The following CTCF variants were observed in gnomAD, a reference collection of about 807,000 sequenced individuals.
CTCF encodes CCCTC-binding factor, also known as transcriptional repressor CTCF.
CTCF carries 7 observed loss-of-function variants against 72.3 expected under a neutral mutation model. The ratio of observed to expected loss-of-function variants is 0.10; its 90% CI spans 0.06 to 0.18. CTCF has a LOEUF of 0.18. Among genes scored for constraint, CTCF ranks in the 10% least tolerant of loss-of-function variants. CTCF has a pLI of 1.00. For missense variants in CTCF, 516 were observed against 949.1 expected (o/e 0.54, Z 6.00); for synonymous variants, 374 against 315.8 (o/e 1.18, Z -1.95).
chr16:67,629,606 G>T, intron 10 of CTCF, 73 bp downstream of exon 10: 1 of 1,487,062 alleles, frequency 6.7e-7, no homozygotes, highest in Non-Finnish European at 9.2e-7. Flanking sequence ...TTTATGTATG[G>T]ATATGCTGGG....
rs571580931 is a variant in CTCF at position 67,622,041 on chromosome 16, A to T, written c.1357+450A>T. Among the ~76,000 whole-genome samples the T allele has an allele frequency of 5.9e-5, 9 of 152,276 alleles. No homozygotes were observed. The East Asian group carries it at 1.2e-3, about 20-fold the overall frequency. On this transcript the variant is annotated intron_variant, in intron 7 of 11. Coordinates refer to ENST00000264010, the MANE Select transcript of CTCF (RefSeq NM_006565.4). ...TGTGCATAGTTAAACTAGAGTTTAC[A>T]TGCAGCCGGAGTTTATTAATAATAT...
intron 2 of CTCF, among the ~76,000 whole-genome samples, chr16:67,592,400 G>T (rs2051756907): frequency 6.6e-6 from 1 of 151,542 alleles, no homozygotes; most frequent in Non-Finnish European, 1.5e-5. Context: ...GGCAGAGCAA[G>T]AATCTGTCTA....
rs767996920 is a variant in CTCF at position 67,628,421 on chromosome 16, G to A, written c.1570G>A (p.Ala524Thr). Residue 524 changes from alanine to threonine, a missense_variant, in exon 9 of 12, where the codon GCC becomes ACC. Transcript: ENST00000264010. The stretch of plus-strand genomic sequence containing the variant: ...CACCCACACCGGGGAGAAGCCTTAC[G>A]CCTGCAGCCACTGCGATAAGACCTT... ...KRTHTGEKPY[A>T]CSHCDKTFRQ... is the part of the protein sequence containing the mutation. 8 of 1,614,162 alleles carry A rather than the reference G, an allele frequency of 5.0e-6. No homozygotes were observed. Among genetic ancestry groups the A allele is most frequent in the South Asian group, 1.1e-5 (1 of 91,080 alleles).
intron 2 of CTCF, among the ~76,000 whole-genome samples, chr16:67,607,233 A>ATT (rs2051986340): frequency 6.6e-6 from 1 of 152,160 alleles, no homozygotes; most frequent in African/African-American, 2.4e-5. Flanking sequence ...CTGGGATTAC[A>ATT]GGCCTGAGCC....
intron 1 of CTCF, chr16:67,563,214 C>G (rs997798942): frequency 6.6e-6 from 1 of 152,260 alleles, no homozygotes; most frequent in African/African-American, 2.4e-5. Flanking sequence ...AAGCCAGGTC[C>G]CGGTGCCGTA....
rs773340288 is a variant in CTCF at position 67,611,279 on chromosome 16, A to T, written c.447A>T (p.Glu149Asp). 1 of 1,614,138 alleles carries T rather than the reference A, an allele frequency of 6.2e-7. No homozygotes were observed. Among genetic ancestry groups the T allele is most frequent in the Admixed American group, 1.7e-5 (1 of 60,002 alleles). The change falls in exon 3 of 12, where the codon GAA becomes GAT. Residue 149 changes from glutamate to aspartate, a missense_variant. This residue lies in a region of CTCF where 148 missense variants were observed against 194.9 expected (regional missense o/e 0.76). Coordinates refer to ENST00000264010, the MANE Select transcript of CTCF (RefSeq NM_006565.4). ...AAGTGTCTAAAGAGGGCCTTGCGGA[A>T]AGTGAACCCATGATATGCCACACCC... ...ENEVSKEGLA[E>D]SEPMICHTLP... is the part of the protein sequence containing the mutation.
intron 10 of CTCF, 28 bp from the exon 11 acceptor site, chr16:67,636,662 C>T (rs987849434): frequency 4.5e-6 from 7 of 1,563,350 alleles, no homozygotes; most frequent in Admixed American, 1.8e-5. Context: ...CTTGCCCCAC[C>T]ACCTGTGCTT....
intron 2 of CTCF, among the ~76,000 whole-genome samples, chr16:67,593,078 TTATA>T (rs2051767349): frequency 6.7e-6 from 1 of 148,648 alleles, no homozygotes; most frequent in African/African-American, 2.4e-5. Context: ...TATTTTATAT[TTATA>T]TATTTGTATA....
chr16:67,609,340 C>T (rs2052024957), intron 2 of CTCF, among the ~76,000 whole-genome samples: 1 of 152,226 alleles, frequency 6.6e-6, no homozygotes, highest in East Asian at 1.9e-4. Context: ...TATAATAGAT[C>T]TCTTGAACTT....
intron 2 of CTCF, among the ~76,000 whole-genome samples, chr16:67,580,409 G>T (rs2051562843): frequency 6.6e-6 from 1 of 151,930 alleles, no homozygotes; most frequent in African/African-American, 2.4e-5. Flanking sequence ...TTACTGTGTT[G>T]CCCAGGCTGG....
At chr16:67,569,150 A>G (rs1006403818) in intron 1 of CTCF, among the ~76,000 whole-genome samples, 1 of 144,748 alleles carries the variant, frequency 6.9e-6, no homozygotes, top group African/African-American at 2.6e-5. Context: ...ATTTGGAAAC[A>G]CTTAGTTCAA....
intron 1 of CTCF, chr16:67,568,066 A>G (rs1446197686): frequency 6.6e-6 from 1 of 150,686 alleles, no homozygotes. Context: ...TGCCTGGCAT[A>G]TATATGTATA....
At chr16:67,592,584 A>C (rs1429790315) in intron 2 of CTCF, among the ~76,000 whole-genome samples, 1 of 152,016 alleles carries the variant, frequency 6.6e-6, no homozygotes, top group Non-Finnish European at 1.5e-5. Flanking sequence ...ATGCGCCTGT[A>C]GTCCCAGCCA....
At position 67,571,241 on chromosome 16, in the gene CTCF, A is replaced by C. The variant is rs2051414949; in HGVS notation, c.-33A>C. On this transcript the variant is annotated 5_prime_UTR_variant, in exon 2 of 12. Transcript: ENST00000264010. ...AGCTGGGTTCTATTTTCCCTCCTCA[A>C]ACTGACTTTGCAGCCACGGAGAGGT... 2 of 152,628 alleles carry C rather than the reference A, an allele frequency of 1.3e-5. No individual in the cohort carries two copies. Among genetic ancestry groups the C allele is most frequent in the African/African-American group, 4.8e-5 (2 of 41,450 alleles). The allele number at this position is 152,628 out of a possible 1,614,324, so 9.5% of individuals were successfully genotyped here. A position where few individuals can be genotyped will look rare whatever the true frequency, so the allele number is the denominator to read the frequency against.
At chr16:67,589,644 C>T (rs1169150220) in intron 2 of CTCF, among the ~76,000 whole-genome samples, 4 of 152,098 alleles carry the variant, frequency 2.6e-5, no homozygotes, top group African/African-American at 7.2e-5. Flanking sequence ...AACTGAACCT[C>T]GTGCAGAAGA....
At chr16:67,582,071 T>C (rs2051590667) in intron 2 of CTCF, among the ~76,000 whole-genome samples, 3 of 151,932 alleles carry the variant, frequency 2.0e-5, no homozygotes, top group Admixed American at 2.0e-4. Context: ...AAACAAAAAA[T>C]TAGCTGGGTG....
intron 2 of CTCF, among the ~76,000 whole-genome samples, chr16:67,595,954 C>CT (rs1173800543): frequency 2.0e-5 from 3 of 150,928 alleles, no homozygotes; most frequent in East Asian, 1.9e-4. Context: ...TTCTTTTCCT[C>CT]TTTCTTTTCT....
chr16:67,590,468 C>A (rs2142762816), intron 2 of CTCF, among the ~76,000 whole-genome samples: 1 of 151,996 alleles, frequency 6.6e-6, no homozygotes, highest in Admixed American at 6.5e-5. Context: ...TTTCTACACA[C>A]ACACATACAA....
At chr16:67,599,504 C>T (rs1027285424) in intron 2 of CTCF, among the ~76,000 whole-genome samples, 1 of 152,178 alleles carries the variant, frequency 6.6e-6, no homozygotes, top group African/African-American at 2.4e-5. Context: ...CATCCTCACA[C>T]TCACCATTCA....
Sources: gnomAD v4.1 joint callset for allele counts (sites outside exome capture counted in the v4.1 genomes callset) on GRCh38, gnomAD v4.1.1 for gene constraint, gnomAD v4.1.1 regional missense constraint, MANE v1.5 for transcripts, NCBI Gene and HGNC (gene_info 2026-07-23, HGNC 2026-07-21) for gene names.